Variants in MAD1L1 observed in about 807,000 individuals in gnomAD.
MAD1L1 encodes the protein mitotic arrest deficient 1 like 1, also known as mitotic spindle assembly checkpoint protein MAD1.
A neutral mutation model predicts 96.9 loss-of-function variants in MAD1L1; 95 were observed. The observed-to-expected ratio is 0.98, with a 90% CI of 0.83 to 1.16. The LOEUF is 1.16. MAD1L1 is among the 50% of genes most tolerant of loss of function. The pLI is 0.00. For synonymous variants in MAD1L1, 473 were observed against 396.6 expected (o/e 1.19, Z -2.29); for missense variants, 1,007 against 954.4 (o/e 1.06, Z -0.73).
At chr7:2,097,098 G>A (rs1234365033) in intron 11 of MAD1L1, among the ~76,000 whole-genome samples, 5 of 152,112 alleles carry the variant, frequency 3.3e-5, no homozygotes, top group Non-Finnish European at 7.4e-5. Context: ...GGGGAAGGGG[G>A]CAGCCTCCAG....
At chr7:2,198,092 T>G (rs1029675203) in intron 10 of MAD1L1, among the ~76,000 whole-genome samples, 5 of 151,896 alleles carry the variant, frequency 3.3e-5, no homozygotes, top group Non-Finnish European at 5.9e-5. Context: ...GGTTTTTTTT[T>G]TTTTTTTTGG....
chr7:1,847,872 G>C, intron 18 of MAD1L1: 1 of 371,448 alleles, frequency 2.7e-6, no homozygotes, highest in Non-Finnish European at 5.4e-6. Context: ...GGGACAGAGG[G>C]TCCCTGTGAC....
chr7:1,932,449 C>G (rs1789535534), intron 17 of MAD1L1, among the ~76,000 whole-genome samples: 1 of 152,228 alleles, frequency 6.6e-6, no homozygotes, highest in Non-Finnish European at 1.5e-5. Flanking sequence ...GTTTTTAAGG[C>G]CTTGAACCCT....
At chr7:1,930,657 G>C (rs1297648542) in intron 17 of MAD1L1, among the ~76,000 whole-genome samples, 3 of 150,010 alleles carry the variant, frequency 2.0e-5, no homozygotes. Context: ...GTTCCTTGGG[G>C]GCCCTGATTC....
Position 2,021,418 on chromosome 7 carries a change from C to T in MAD1L1, c.1219-6776G>A, listed in dbSNP as rs183829826. 4.1e-3 allele frequency among the ~76,000 whole-genome samples: 622 copies of T among 152,232 alleles called. 6 individuals carry two copies. The highest frequency in any genetic ancestry group is 0.014 in the African/African-American group (588 of 41,528). On this transcript the variant is annotated intron_variant, in intron 12 of 18. Coordinates refer to ENST00000265854, the MANE Select transcript of MAD1L1 (RefSeq NM_001013836.2). The stretch of plus-strand genomic sequence containing the variant: ...TCCAAGTACTGAAACAAAACAGCAC[C>T]AGCCTGGAATTCTGCATCCAGCAAG...
intron 17 of MAD1L1, among the ~76,000 whole-genome samples, chr7:1,928,039 G>A (rs143953587): frequency 3.0e-4 from 46 of 152,288 alleles, no homozygotes; most frequent in Admixed American, 7.8e-4. Flanking sequence ...CGTGCCCGAG[G>A]CCTTGGCTGA....
At chr7:1,998,007 T>C (rs764433780) in intron 14 of MAD1L1, among the ~76,000 whole-genome samples, 1 of 152,078 alleles carries the variant, frequency 6.6e-6, no homozygotes, top group Non-Finnish European at 1.5e-5. Flanking sequence ...ATGCTGCAGC[T>C]TGGGGCCCAG....
chr7:2,202,430 T>C (rs555397405), intron 10 of MAD1L1, among the ~76,000 whole-genome samples: 1 of 152,322 alleles, frequency 6.6e-6, no homozygotes, highest in East Asian at 1.9e-4. Flanking sequence ...TCCTGGGACC[T>C]GCACACCACA....
At chr7:1,822,731 T>G (rs1457287317) in intron 18 of MAD1L1, among the ~76,000 whole-genome samples, 1 of 149,846 alleles carries the variant, frequency 6.7e-6, no homozygotes, top group Non-Finnish European at 1.5e-5. Context: ...GCCAGCATTT[T>G]TTTTTTTTTT....
chr7:2,065,094 T>C (rs1784824033), intron 12 of MAD1L1, among the ~76,000 whole-genome samples: 1 of 152,246 alleles, frequency 6.6e-6, no homozygotes, highest in South Asian at 2.1e-4. Flanking sequence ...AGGCTTCTTC[T>C]AGGACTCTCT....
chr7:1,889,619 C>T (rs73288749), intron 18 of MAD1L1, among the ~76,000 whole-genome samples: 13,361 of 152,298 alleles, frequency 0.088, 1,421 homozygotes, highest in African/African-American at 0.25. Flanking sequence ...TTCACGGAGG[C>T]AACAGGCTCA....
intron 13 of MAD1L1, among the ~76,000 whole-genome samples, chr7:2,008,483 G>A (rs891382209): frequency 5.3e-5 from 8 of 152,220 alleles, no homozygotes; most frequent in Non-Finnish European, 1.0e-4. Flanking sequence ...TCTGAGACAA[G>A]AGCTCCCCAA....
At chr7:1,847,375 G>A in intron 18 of MAD1L1, 1 of 471,086 alleles carries the variant, frequency 2.1e-6, no homozygotes, top group Non-Finnish European at 4.4e-6. Context: ...ACCAGGGTGT[G>A]CAGCGTTACG....
intron 15 of MAD1L1, among the ~76,000 whole-genome samples, chr7:1,966,061 T>A (rs1278306914): frequency 6.6e-6 from 1 of 152,204 alleles, no homozygotes; most frequent in Non-Finnish European, 1.5e-5. Context: ...CTGGGTCCCA[T>A]CCACACTGGC....
rs754953009 is a variant in MAD1L1, at chr7:2,114,925, G to T, written c.1073+34227C>A. ...CAAGGGCCTCGAAGCCCCGCCTTCC[G>T]GTGAGCACCGCTGCAGCAGCAGGGA... On this transcript the variant is annotated intron_variant, in intron 11 of 18. Coordinates refer to ENST00000265854, the MANE Select transcript of MAD1L1 (RefSeq NM_001013836.2). This position sits in a 1 kb window ranked among gnomAD's most constrained non-coding sequence, Gnocchi z 4.2. 6.6e-6 allele frequency among the ~76,000 whole-genome samples: 1 copy of T among 152,202 alleles called. No individual in the cohort carries two copies. The highest frequency in any genetic ancestry group is 1.5e-5 in the Non-Finnish European group (1 of 68,032).
chr7:2,040,955 A>C (rs1180532256), intron 12 of MAD1L1, among the ~76,000 whole-genome samples: 1 of 152,202 alleles, frequency 6.6e-6, no homozygotes, highest in Non-Finnish European at 1.5e-5. Context: ...GGCTGCCCTG[A>C]GAAGCCTGGC....
intron 17 of MAD1L1, among the ~76,000 whole-genome samples, chr7:1,913,816 G>C (rs1245010639): frequency 6.6e-6 from 1 of 152,104 alleles, no homozygotes; most frequent in African/African-American, 2.4e-5. Flanking sequence ...GAGGCTCCCT[G>C]GCTGCCTCCG....
chr7:2,124,608 C>T (rs147152729), intron 11 of MAD1L1, among the ~76,000 whole-genome samples: 3 of 152,276 alleles, frequency 2.0e-5, no homozygotes, highest in Admixed American at 6.5e-5. Flanking sequence ...GAGGAGGTCA[C>T]GAAGCCCCCG....
chr7:2,092,809 T>C (rs1259571204), intron 11 of MAD1L1, among the ~76,000 whole-genome samples: 1 of 152,216 alleles, frequency 6.6e-6, no homozygotes, highest in African/African-American at 2.4e-5. Flanking sequence ...ATTTATCAAA[T>C]TTTTTCTCTT....
Sources: allele counts gnomAD v4.1 joint callset (sites outside exome capture counted in the v4.1 genomes callset), GRCh38; gene constraint gnomAD v4.1.1; non-coding constraint Gnocchi (gnomAD v3.1); transcripts MANE v1.5; gene names NCBI Gene and HGNC (gene_info 2026-07-23, HGNC 2026-07-21).